EP400: variants seen among roughly 807,000 people sequenced by gnomAD.
EP400 encodes E1A-binding protein p400.
A neutral mutation model predicts 354.1 loss-of-function variants in EP400; 105 were observed. That is an observed-to-expected ratio of 0.30 (90% confidence interval 0.25 to 0.35). EP400 has a LOEUF of 0.35. Ranked by LOEUF, EP400 falls within the 10% of genes least tolerant of loss-of-function variation. The pLI is 1.00. For missense variants in EP400, 3,280 were observed against 4,121.0 expected, an observed-to-expected ratio of 0.80 and a Z score of 5.59; for synonymous variants, 1,646 against 1,716.9, an observed-to-expected ratio of 0.96 and a Z score of 1.02.
intron 1 of EP400, among the ~76,000 whole-genome samples, chr12:131,950,788 C>G (rs992534373): frequency 6.6e-6 from 1 of 152,242 alleles, no homozygotes; most frequent in Non-Finnish European, 1.5e-5. Context: ...GGGTCTCGCT[C>G]TGTTGCCCAG....
Position 132,017,098 on chromosome 12 carries a change from A to G in EP400, c.3924-437A>G, listed in dbSNP as rs370591500. 2.6e-5 allele frequency among the ~76,000 whole-genome samples: 4 copies of G among 152,192 alleles called. No homozygotes were observed. The East Asian group carries it at 7.7e-4, about 29-fold the overall frequency. On this transcript the variant is annotated intron_variant, in intron 19 of 52. Transcript: ENST00000389561. This position sits in a 1 kb window ranked among gnomAD's most constrained non-coding sequence, Gnocchi z 5.0. ...CCCTTCACTGGGTGGTAAGCCGCAC[A>G]GGGCATGGACCTGGGTCCTCGTCTA...
At chr12:132,007,550 G>A (rs1893626095) in intron 15 of EP400, among the ~76,000 whole-genome samples, 1 of 152,162 alleles carries the variant, frequency 6.6e-6, no homozygotes, top group Non-Finnish European at 1.5e-5. Flanking sequence ...TTTGGGTCAA[G>A]TGCCCACCCT....
intron 2 of EP400, among the ~76,000 whole-genome samples, chr12:131,977,045 C>G (rs1306375152): frequency 6.6e-6 from 1 of 152,170 alleles, no homozygotes; most frequent in Admixed American, 6.5e-5. Context: ...GCGAATATCA[C>G]TTCCCTTCCT....
At chr12:131,997,941 T>C (rs1373217328) in intron 12 of EP400, among the ~76,000 whole-genome samples, 1 of 152,250 alleles carries the variant, frequency 6.6e-6, no homozygotes, top group Non-Finnish European at 1.5e-5. Context: ...TTCACAAAGA[T>C]ATATCATCTA....
chr12:132,028,335 AC>A lies in EP400; in HGVS notation c.5381+51del, dbSNP rs775371094. 3 of 1,594,066 alleles carry A rather than the reference AC, an allele frequency of 1.9e-6. No individual in the cohort carries two copies. The South Asian group carries it at 3.4e-5, about 18-fold the overall frequency. Reference sequence around the variant, plus strand: ...TTTCGGTGCTCTCTGGCTGCATTGCACCCCGGCAAGACCCCTTCTTGTCTCG... The same window carrying A: ...TTTCGGTGCTCTCTGGCTGCATTGCACCCGGCAAGACCCCTTCTTGTCTCG... On this transcript the variant is annotated intron_variant, in intron 27 of 52. Transcript: ENST00000389561.
At chr12:132,037,279 C>T (rs1894751832) in intron 30 of EP400, among the ~76,000 whole-genome samples, 1 of 152,196 alleles carries the variant, frequency 6.6e-6, no homozygotes, top group Admixed American at 6.5e-5. Context: ...AATGAGGTGT[C>T]TCATGAGTGT....
chr12:132,005,322 A>G (rs1401512361), intron 13 of EP400, 138 bp downstream of exon 13: 5 of 536,538 alleles, frequency 9.3e-6, no homozygotes, highest in Non-Finnish European at 1.2e-5. Context: ...GTATCTTTAT[A>G]TTGAATAGAA....
rs772433004 is a variant in EP400 at position 132,025,684 on chromosome 12, T to C, written c.4894T>C (p.Tyr1632His). The part of the protein sequence containing the change: ...LQIVSAPGQP[Y>H]LRAPGPVVMQ... ...GATCGTGTCCGCCCCCGGGCAGCCC[T>C]ACCTTCGAGCCCCTGGCCCTGTGGT... Residue 1632 changes from tyrosine (Y) to histidine (H), a missense_variant, in exon 25 of 53, where the codon TAC (tyrosine) becomes CAC (histidine). Transcript: ENST00000389561. This position sits in a 1 kb window ranked among gnomAD's most constrained non-coding sequence, Gnocchi z 4.1. The C allele has an allele frequency of 3.4e-5, 55 of 1,612,594 alleles. No homozygotes were observed. Among genetic ancestry groups the C allele is most frequent in the Non-Finnish European group, 4.2e-5 (50 of 1,179,518 alleles).
At chr12:131,991,329 G>T in intron 9 of EP400, 78 bp from the exon 10 acceptor site, 1 of 1,464,244 alleles carries the variant, frequency 6.8e-7, no homozygotes, top group African/African-American at 1.4e-5. Flanking sequence ...GAGGCAGCAG[G>T]ACCCTGCCTG....
intron 6 of EP400, 115 bp from the exon 7 acceptor site, chr12:131,987,586 CTCTT>C (rs1340650497): frequency 1.2e-6 from 1 of 807,478 alleles, no homozygotes; most frequent in Non-Finnish European, 1.8e-6. Context: ...TGTGCTTTCT[CTCTT>C]TCTTAGTGCC....
intron 45 of EP400, among the ~76,000 whole-genome samples, chr12:132,059,093 A>T (rs1002842434): frequency 6.6e-5 from 10 of 152,188 alleles, no homozygotes; most frequent in African/African-American, 2.2e-4. Flanking sequence ...GCCCAAATCT[A>T]AGGGAGGGAA....
At chr12:131,973,520 G>A (rs547341421) in intron 2 of EP400, among the ~76,000 whole-genome samples, 56 of 152,234 alleles carry the variant, frequency 3.7e-4, no homozygotes, top group African/African-American at 1.2e-3. Context: ...GCGTGTTCCC[G>A]TACTCCCAGC....
chr12:132,007,773 A>T (rs1401054819), intron 15 of EP400, among the ~76,000 whole-genome samples: 5 of 152,202 alleles, frequency 3.3e-5, no homozygotes, highest in Non-Finnish European at 1.5e-5. Context: ...CTTTGAACGT[A>T]AAGCTGGACA....
chr12:131,997,305 C>T (rs1893248312), intron 12 of EP400, among the ~76,000 whole-genome samples: 1 of 150,712 alleles, frequency 6.6e-6, no homozygotes, highest in South Asian at 2.1e-4. Context: ...GAGTCTCACT[C>T]TGACACCTAG....
At chr12:132,002,752 C>T (rs1469157897) in intron 12 of EP400, among the ~76,000 whole-genome samples, 1 of 152,190 alleles carries the variant, frequency 6.6e-6, no homozygotes, top group African/African-American at 2.4e-5. Flanking sequence ...ATGGTGGTCA[C>T]ACCGGTCAGG....
At chr12:132,019,735 G>A (rs559477762) in intron 21 of EP400, among the ~76,000 whole-genome samples, 1 of 152,172 alleles carries the variant, frequency 6.6e-6, no homozygotes, top group African/African-American at 2.4e-5. Flanking sequence ...TAATAGATGC[G>A]TTGTTTTCTA....
chr12:132,071,128 G>C (rs1460579527), intron 51 of EP400, among the ~76,000 whole-genome samples: 1 of 152,212 alleles, frequency 6.6e-6, no homozygotes, highest in African/African-American at 2.4e-5. Flanking sequence ...CTGTGTTTTT[G>C]TCAGAGTAAG....
Position 132,050,304 on chromosome 12 carries a change from C to T in EP400, c.7201-19C>T, listed in dbSNP as rs749565161. On this transcript the variant is annotated intron_variant, in intron 39 of 52. Coordinates refer to ENST00000389561, the MANE Select transcript of EP400 (RefSeq NM_015409.5). The surrounding 1 kb of genome is among the most constrained non-coding windows in gnomAD (Gnocchi z 4.8). Reference sequence around the variant, plus strand: ...CCATGCTGCCTAATTCAGATGCACTCTCGTCAATTTCATTGCAGAGTAAAA... The same window carrying T: ...CCATGCTGCCTAATTCAGATGCACTTTCGTCAATTTCATTGCAGAGTAAAA... The T allele has an allele frequency of 5.0e-6, 8 of 1,613,662 alleles. No homozygotes were observed. In the South Asian group the frequency reaches 6.6e-5, roughly 13 times the overall value.
At chr12:132,063,868 C>G (rs562958733) in intron 47 of EP400, among the ~76,000 whole-genome samples, 2 of 152,146 alleles carry the variant, frequency 1.3e-5, no homozygotes, top group Non-Finnish European at 1.5e-5. Context: ...TTGTATCCTG[C>G]GGGACGTGCC....
Sources: allele counts gnomAD v4.1 joint callset (sites outside exome capture counted in the v4.1 genomes callset), GRCh38; gene constraint gnomAD v4.1.1; non-coding constraint Gnocchi (gnomAD v3.1); transcripts MANE v1.5; gene names NCBI Gene and HGNC (gene_info 2026-07-23, HGNC 2026-07-21).